SVOP: variants seen among roughly 807,000 people sequenced by gnomAD.
SVOP encodes the protein SV2 related protein.
In SVOP, 17 loss-of-function variants were observed where a neutral mutation model predicts 69.1. The observed-to-expected ratio is 0.25, with a 90% CI of 0.17 to 0.37. The LOEUF (loss-of-function observed/expected upper bound fraction) is 0.37, where lower values mean the gene tolerates loss of function less well. SVOP is among the 10% of genes least tolerant of loss of function. The probability of loss-of-function intolerance (pLI) is 1.00; values close to 1 mark genes in which losing one functional copy is unlikely to be tolerated. For missense variants in SVOP, 435 were observed against 597.5 expected, an observed-to-expected ratio of 0.73 and a Z score of 2.84; for synonymous variants, 238 against 238.6, an observed-to-expected ratio of 1.00 and a Z score of 0.02.
At chr12:108,955,225 C>T (rs2039978651) in intron 6 of SVOP, among the ~76,000 whole-genome samples, 1 of 152,234 alleles carries the variant, frequency 6.6e-6, no homozygotes, top group African/African-American at 2.4e-5. Flanking sequence ...ACAGGCATCT[C>T]TCTGAGCATC....
intron 15 of SVOP, 133 bp downstream of exon 15, chr12:108,915,650 C>G (rs1056758440): frequency 7.9e-6 from 7 of 882,304 alleles, no homozygotes; most frequent in Middle Eastern, 2.3e-4. Flanking sequence ...TTCTTCTGTC[C>G]TCGGGTGTGT....
intron 11 of SVOP, among the ~76,000 whole-genome samples, chr12:108,931,372 C>T (rs2039817458): frequency 2.0e-5 from 3 of 152,208 alleles, no homozygotes; most frequent in African/African-American, 7.2e-5. Flanking sequence ...GGCTTAAAAG[C>T]ACAGGCATAA....
chr12:108,961,553 A>G (rs1593191960), intron 5 of SVOP, among the ~76,000 whole-genome samples: 2 of 152,126 alleles, frequency 1.3e-5, no homozygotes, highest in South Asian at 4.1e-4. Context: ...TTCTTTTCAG[A>G]AAACCATGCT....
chr12:108,969,172 G>C (rs2040063817), intron 5 of SVOP, among the ~76,000 whole-genome samples: 2 of 152,066 alleles, frequency 1.3e-5, no homozygotes, highest in African/African-American at 2.4e-5. Context: ...CGGCTGCTCA[G>C]CTCCATCAAA....
chr12:108,953,998 G>A (rs375535527), intron 6 of SVOP, among the ~76,000 whole-genome samples: 17 of 151,614 alleles, frequency 1.1e-4, no homozygotes, highest in African/African-American at 3.6e-4. Flanking sequence ...CATAATCCCA[G>A]CTACTCGGGA....
intron 1 of SVOP, among the ~76,000 whole-genome samples, chr12:109,000,749 CA>C (rs2040263637): frequency 1.4e-5 from 1 of 70,302 alleles, no homozygotes; most frequent in Non-Finnish European, 2.8e-5. Flanking sequence ...AAGCCTTTGA[CA>C]AAATTCAACA....
intron 15 of SVOP, 100 bp downstream of exon 15, chr12:108,915,683 G>A: frequency 8.0e-7 from 1 of 1,247,034 alleles, no homozygotes; most frequent in African/African-American, 1.5e-5. Context: ...ATGAGCGAAT[G>A]CAACCCGAGG....
At chr12:109,019,022 G>A (rs1460189585) in intron 1 of SVOP, among the ~76,000 whole-genome samples, 1 of 152,140 alleles carries the variant, frequency 6.6e-6, no homozygotes, top group Non-Finnish European at 1.5e-5. Flanking sequence ...ACCCAAGTAT[G>A]TCTGATTCAA....
At chr12:108,938,375 A>G (rs914023104) in intron 9 of SVOP, among the ~76,000 whole-genome samples, 1 of 152,160 alleles carries the variant, frequency 6.6e-6, no homozygotes, top group Non-Finnish European at 1.5e-5. Context: ...TGGTGTTACC[A>G]GCGGAGTGAG....
chr12:108,964,468 C>T (rs1455823601), intron 5 of SVOP, among the ~76,000 whole-genome samples: 1 of 151,920 alleles, frequency 6.6e-6, no homozygotes, highest in African/African-American at 2.4e-5. Context: ...GAAAAGAAGG[C>T]ACCGAGACAA....
intron 1 of SVOP, among the ~76,000 whole-genome samples, chr12:109,010,933 A>T (rs2040337930): frequency 6.6e-6 from 1 of 150,792 alleles, no homozygotes; most frequent in Non-Finnish European, 1.5e-5. Context: ...TTGTTTTTTG[A>T]GGCAGGGTCT....
intron 1 of SVOP, among the ~76,000 whole-genome samples, chr12:108,995,758 G>A (rs577513538): frequency 1.6e-4 from 24 of 151,906 alleles, no homozygotes; most frequent in African/African-American, 3.1e-4. Context: ...AAAATTAGCC[G>A]GGCGTGTTGG....
At chr12:108,966,137 A>T (rs1392311804) in intron 5 of SVOP, among the ~76,000 whole-genome samples, 1 of 152,034 alleles carries the variant, frequency 6.6e-6, no homozygotes, top group Non-Finnish European at 1.5e-5. Flanking sequence ...AGTAGCCTGG[A>T]CCACAGTCAC....
At chr12:108,945,269 A>C (rs977437639) in intron 6 of SVOP, 103 bp from the exon 7 acceptor site, 7 of 1,069,104 alleles carry the variant, frequency 6.5e-6, no homozygotes, top group Admixed American at 4.1e-5. Context: ...AAGGGTGGTC[A>C]GTGAACCACT....
rs756552280 is a variant in SVOP at position 108,912,530 on chromosome 12, G to A, written c.*5C>T. ...TCAAAGACCAGCTCAGTCCCCCATC[G>A]GTCACTATTCCTGAGAGCCAGAGTT... is the stretch of plus-strand genomic sequence containing the variant. On this transcript the variant is annotated 3_prime_UTR_variant, in exon 16 of 16. Transcript: ENST00000610966. 16 of 1,613,604 alleles carry A rather than the reference G, an allele frequency of 9.9e-6. No individual in the cohort carries two copies. Among genetic ancestry groups the A allele is most frequent in the South Asian group, 5.5e-5 (5 of 91,076 alleles).
At chr12:108,978,450 G>C (rs982346514) in intron 3 of SVOP, 128 bp downstream of exon 3, 98 of 579,580 alleles carry the variant, frequency 1.7e-4, no homozygotes, top group Non-Finnish European at 1.8e-5. Context: ...CATAAATTTT[G>C]TTGATTGAAA....
intron 1 of SVOP, among the ~76,000 whole-genome samples, chr12:108,993,182 A>G (rs1276553570): frequency 6.6e-6 from 1 of 152,034 alleles, no homozygotes; most frequent in African/African-American, 2.4e-5. Flanking sequence ...TAACTTTTGC[A>G]CTTTTAGTAG....
intron 1 of SVOP, among the ~76,000 whole-genome samples, chr12:109,019,372 G>A (rs918588718): frequency 6.6e-6 from 1 of 151,958 alleles, no homozygotes; most frequent in African/African-American, 2.4e-5. Flanking sequence ...CTTTTGCAAA[G>A]TTCATATACA....
At chr12:108,974,359 G>A (rs978677976) in intron 4 of SVOP, among the ~76,000 whole-genome samples, 2 of 152,204 alleles carry the variant, frequency 1.3e-5, no homozygotes, top group East Asian at 3.9e-4. Context: ...GTGGTCTATT[G>A]TGTACTACTA....
Sources: allele counts gnomAD v4.1 joint callset (sites outside exome capture counted in the v4.1 genomes callset), GRCh38; gene constraint gnomAD v4.1.1; transcripts MANE v1.5; gene names NCBI Gene and HGNC (gene_info 2026-07-23, HGNC 2026-07-21).